FRMD4A: variants seen among roughly 807,000 people sequenced by gnomAD.
FRMD4A encodes the protein FERM domain-containing protein 4A.
A neutral mutation model predicts 129.1 loss-of-function variants in FRMD4A; 29 were observed. The ratio of observed to expected loss-of-function variants is 0.22; its 90% CI spans 0.17 to 0.31. The LOEUF is 0.31. Ranked by LOEUF, FRMD4A falls within the 10% of genes least tolerant of loss-of-function variation. FRMD4A has a pLI of 1.00. For missense variants in FRMD4A, 1,272 were observed against 1,375.8 expected, an observed-to-expected ratio of 0.92 and a Z score of 1.19; for synonymous variants, 634 against 571.6, an observed-to-expected ratio of 1.11 and a Z score of -1.56.
chr10:13,791,969 A>G (rs1366795489), intron 5 of FRMD4A, among the ~76,000 whole-genome samples: 4 of 152,204 alleles, frequency 2.6e-5, no homozygotes, highest in Non-Finnish European at 5.9e-5. Flanking sequence ...AAGTGAGACC[A>G]ACAGCAGATG....
intron 2 of FRMD4A, chr10:13,890,478 C>T (rs1043366946): frequency 1.8e-5 from 17 of 956,426 alleles, no homozygotes; most frequent in Non-Finnish European, 2.1e-5. Flanking sequence ...GGACGACTTA[C>T]GGATGCAGAG....
At chr10:13,820,572 A>T (rs2093615122) in intron 3 of FRMD4A, among the ~76,000 whole-genome samples, 1 of 152,102 alleles carries the variant, frequency 6.6e-6, no homozygotes, top group Admixed American at 6.5e-5. Context: ...CAAACAGCAA[A>T]CAAGCAGTAA....
rs74760196 is a variant in FRMD4A at position 14,080,010 on chromosome 10, A to G, written c.46-221098T>C. Among the ~76,000 whole-genome samples the G allele has an allele frequency of 6.0e-3, 920 of 152,298 alleles. 31 individuals carry two copies. Among genetic ancestry groups the G allele is most frequent in the Admixed American group, 0.044 (679 of 15,298 alleles). ...CATGAGCAGCTGCAGTTAGGAGGAAAAGGCCAAAACCTCCCCTTGGACCTC... is the reference window on the plus strand; with the variant it reads ...CATGAGCAGCTGCAGTTAGGAGGAAGAGGCCAAAACCTCCCCTTGGACCTC... On this transcript the variant is annotated intron_variant, in intron 2 of 24. Coordinates refer to ENST00000357447, the MANE Select transcript of FRMD4A (RefSeq NM_018027.5).
intron 14 of FRMD4A, among the ~76,000 whole-genome samples, chr10:13,699,269 G>A (rs117092325): frequency 0.047 from 6,502 of 138,452 alleles, 204 homozygotes; most frequent in Middle Eastern, 0.1. Context: ...TAAAGACTGG[G>A]TTTCCCCATG....
chr10:13,849,138 G>T (rs1308333581), intron 3 of FRMD4A, among the ~76,000 whole-genome samples: 1 of 152,222 alleles, frequency 6.6e-6, no homozygotes, highest in Non-Finnish European at 1.5e-5. Flanking sequence ...CCAAAGTGGG[G>T]CTGCCTGAAC....
At chr10:14,275,663 G>T (rs1258276365) in intron 2 of FRMD4A, among the ~76,000 whole-genome samples, 1 of 152,164 alleles carries the variant, frequency 6.6e-6, no homozygotes, top group Non-Finnish European at 1.5e-5. Flanking sequence ...GATGGTCAAG[G>T]TGGTTAACTG....
Position 14,235,261 on chromosome 10 carries a change from G to A in FRMD4A, c.45+94797C>T, listed in dbSNP as rs7893470. 3.5e-4 allele frequency among the ~76,000 whole-genome samples: 47 copies of A among 133,272 alleles called. 5 individuals carry two copies. Among genetic ancestry groups the A allele is most frequent in the African/African-American group, 1.3e-3 (45 of 35,296 alleles). The allele number at this position is 133,272 out of a possible 152,430, so 87.4% of individuals were successfully genotyped here. A position where few individuals can be genotyped will look rare whatever the true frequency, so the allele number is the denominator to read the frequency against. On this transcript the variant is annotated intron_variant, in intron 2 of 24. Transcript: ENST00000357447. ...GCCTCCCGGGTTCACGCCATTCTCC[G>A]GCCTCAGCCTCCCGAGCAGCTGAGT...
intron 2 of FRMD4A, among the ~76,000 whole-genome samples, chr10:13,871,432 AG>A (rs1564947257): frequency 3.3e-5 from 5 of 152,006 alleles, no homozygotes; most frequent in African/African-American, 9.7e-5. Flanking sequence ...AAATCTGACA[AG>A]TTGCTCTAGT....
chr10:14,018,013 T>C (rs1272715255), intron 2 of FRMD4A, among the ~76,000 whole-genome samples: 1 of 152,168 alleles, frequency 6.6e-6, no homozygotes, highest in Non-Finnish European at 1.5e-5. Flanking sequence ...AGTAGGGGAT[T>C]CTAACTGCTC....
intron 2 of FRMD4A, among the ~76,000 whole-genome samples, chr10:14,208,799 G>A (rs1295929675): frequency 6.6e-6 from 1 of 152,176 alleles, no homozygotes; most frequent in Non-Finnish European, 1.5e-5. Flanking sequence ...TCTGTCCCAT[G>A]CCTGGTTCCC....
chr10:13,754,662 C>G (rs1220222349), intron 8 of FRMD4A, among the ~76,000 whole-genome samples: 1 of 151,666 alleles, frequency 6.6e-6, no homozygotes, highest in African/African-American at 2.4e-5. Flanking sequence ...CACAAAAACT[C>G]TTCTTTGGGC....
intron 2 of FRMD4A, among the ~76,000 whole-genome samples, chr10:13,889,965 G>C (rs1307298558): frequency 6.6e-6 from 1 of 152,148 alleles, no homozygotes; most frequent in Non-Finnish European, 1.5e-5. Context: ...AAACCTATTT[G>C]TCACACGACC....
intron 3 of FRMD4A, among the ~76,000 whole-genome samples, chr10:13,855,525 G>T (rs1318849607): frequency 1.3e-5 from 2 of 152,110 alleles, no homozygotes; most frequent in Admixed American, 6.5e-5. Context: ...TACAAACCTT[G>T]TCAGGTCAAT....
At chr10:14,201,468 C>G (rs1453083520) in intron 2 of FRMD4A, among the ~76,000 whole-genome samples, 1 of 152,190 alleles carries the variant, frequency 6.6e-6, no homozygotes, top group African/African-American at 2.4e-5. Context: ...GCAGGAATAA[C>G]TTGGGGGGAA....
intron 2 of FRMD4A, among the ~76,000 whole-genome samples, chr10:14,033,609 A>G (rs2131664700): frequency 6.6e-6 from 1 of 152,058 alleles, no homozygotes; most frequent in Admixed American, 6.5e-5. Context: ...ACAAGGCGAA[A>G]CCCCATCTCT....
In FRMD4A at chr10:14,038,081, G is replaced by A. The variant is rs191549199; in HGVS notation, c.46-179169C>T. On this transcript the variant is annotated intron_variant, in intron 2 of 24. Coordinates refer to ENST00000357447, the MANE Select transcript of FRMD4A (RefSeq NM_018027.5). ...CTCACGCCAGTAATCCCAGCATTTT[G>A]GGAGGCCGAGGCGGGTGGATCACGA... Among the ~76,000 whole-genome samples the A allele has an allele frequency of 2.6e-3, 394 of 152,328 alleles. 5 individuals are homozygous for A. The highest frequency in any genetic ancestry group is 5.5e-3 in the Admixed American group (84 of 15,302).
intron 2 of FRMD4A, among the ~76,000 whole-genome samples, chr10:14,057,858 C>T (rs992847229): frequency 1.3e-5 from 2 of 152,246 alleles, no homozygotes; most frequent in Non-Finnish European, 2.9e-5. Flanking sequence ...GCGTGAGCCA[C>T]AACACCTGGC....
At chr10:13,697,971 G>A (rs2086390193) in intron 14 of FRMD4A, among the ~76,000 whole-genome samples, 4 of 152,098 alleles carry the variant, frequency 2.6e-5, no homozygotes, top group Admixed American at 2.6e-4. Context: ...ATTATAATTG[G>A]TGCCTGTGCA....
intron 2 of FRMD4A, among the ~76,000 whole-genome samples, chr10:14,303,275 C>G (rs990435503): frequency 6.6e-6 from 1 of 152,176 alleles, no homozygotes; most frequent in Non-Finnish European, 1.5e-5. Context: ...CAAATTTTAA[C>G]GTGCACAGAA....
Sources: gnomAD v4.1 joint callset for allele counts (sites outside exome capture counted in the v4.1 genomes callset) on GRCh38, gnomAD v4.1.1 for gene constraint, MANE v1.5 for transcripts, NCBI Gene and HGNC (gene_info 2026-07-23, HGNC 2026-07-21) for gene names.